The following SFXN5 variants were observed in gnomAD, a reference collection of about 807,000 sequenced individuals.
SFXN5 encodes sideroflexin 5.
SFXN5 carries 43 observed loss-of-function variants against 50.2 expected under a neutral mutation model. The ratio of observed to expected loss-of-function variants is 0.86; its 90% confidence interval spans 0.67 to 1.11. The LOEUF is 1.11. Among genes scored for constraint, SFXN5 ranks in the 50% least tolerant of loss-of-function variants. SFXN5 has a pLI of 0.00. For missense variants in SFXN5, 463 were observed against 454.1 expected, an observed-to-expected ratio of 1.02 and a Z score of -0.18; for synonymous variants, 203 against 185.8, an observed-to-expected ratio of 1.09 and a Z score of -0.75.
At chr2:73,035,484 T>C (rs1678850677) in intron 3 of SFXN5, among the ~76,000 whole-genome samples, 1 of 151,258 alleles carries the variant, frequency 6.6e-6, no homozygotes, top group Non-Finnish European at 1.5e-5. Context: ...GATTCATTGG[T>C]ATCGCAATCT....
intron 3 of SFXN5, among the ~76,000 whole-genome samples, chr2:73,027,236 T>C (rs1386217029): frequency 6.6e-6 from 1 of 152,140 alleles, no homozygotes; most frequent in Non-Finnish European, 1.5e-5. Context: ...CCTGACTCCA[T>C]GTAGGCCTAG....
intron 6 of SFXN5, among the ~76,000 whole-genome samples, chr2:73,015,081 T>C (rs577666210): frequency 6.6e-6 from 1 of 152,366 alleles, no homozygotes; most frequent in East Asian, 1.9e-4. Context: ...TTGCTATGGT[T>C]GGTTTAAATC....
chr2:73,048,351 G>A (rs1180925302), intron 2 of SFXN5, among the ~76,000 whole-genome samples: 2 of 152,150 alleles, frequency 1.3e-5, no homozygotes, highest in East Asian at 3.8e-4. Context: ...GAGTAGCTGG[G>A]ATTACAGGCA....
intron 13 of SFXN5, among the ~76,000 whole-genome samples, chr2:72,955,914 G>T (rs1405135181): frequency 6.6e-6 from 1 of 152,230 alleles, no homozygotes; most frequent in Non-Finnish European, 1.5e-5. Context: ...CACCTATAGC[G>T]GCCCCGGCAA....
intron 3 of SFXN5, among the ~76,000 whole-genome samples, chr2:73,032,435 A>G (rs17008608): frequency 0.15 from 23,074 of 152,248 alleles, 2,039 homozygotes; most frequent in East Asian, 0.36. Context: ...AAGAACATGG[A>G]GCAGGTGTGG....
chr2:73,014,156 G>A (rs1184613506), intron 6 of SFXN5, among the ~76,000 whole-genome samples: 1 of 152,042 alleles, frequency 6.6e-6, no homozygotes, highest in African/African-American at 2.4e-5. Flanking sequence ...TCTTGTTGAT[G>A]GAATTTCAGC....
intron 13 of SFXN5, among the ~76,000 whole-genome samples, chr2:72,946,726 C>T (rs930979032): frequency 8.5e-5 from 13 of 152,168 alleles, no homozygotes; most frequent in African/African-American, 2.4e-4. Context: ...AGCCTCTTTG[C>T]GTCCTCTCCC....
At chr2:73,001,782 CTTAT>C (rs1673948718) in intron 6 of SFXN5, among the ~76,000 whole-genome samples, 1 of 152,080 alleles carries the variant, frequency 6.6e-6, no homozygotes, top group South Asian at 2.1e-4. Context: ...ACAGCATAAT[CTTAT>C]TTATTTAAAG....
chr2:72,961,037 G>T lies in SFXN5; in HGVS notation c.945+94C>A. 1 of 892,598 alleles carries T rather than the reference G, an allele frequency of 1.1e-6. No homozygotes were observed. Among genetic ancestry groups the T allele is most frequent in the East Asian group, 3.0e-5 (1 of 32,816 alleles). 55.3% of individuals were successfully genotyped at this position (892,598 alleles called of 1,614,324 possible). A position where few individuals can be genotyped will look rare whatever the true frequency, so the allele number is the denominator to read the frequency against. On this transcript the variant is annotated intron_variant, in intron 13 of 13. Transcript: ENST00000272433. The surrounding 1 kb of genome is among the most constrained non-coding windows in gnomAD (Gnocchi z 4.4). ...CGGTTCCAGCCCCAGCGCCTAGCATGGCGCTAAGGAGTCGGCACGGTATGA... is the reference window on the plus strand; with the variant it reads ...CGGTTCCAGCCCCAGCGCCTAGCATTGCGCTAAGGAGTCGGCACGGTATGA...
chr2:73,008,409 G>A (rs1281030738), intron 6 of SFXN5, among the ~76,000 whole-genome samples: 1 of 152,212 alleles, frequency 6.6e-6, no homozygotes, highest in Non-Finnish European at 1.5e-5. Context: ...AGGGCTGAGA[G>A]AGGCACAAAT....
intron 9 of SFXN5, chr2:72,998,587 A>G: frequency 4.1e-6 from 1 of 241,128 alleles, no homozygotes; most frequent in Non-Finnish European, 8.0e-6. Flanking sequence ...GGCCTTGCAG[A>G]GTCATTCAGA....
At chr2:72,985,456 C>T (rs1037726023) in intron 10 of SFXN5, among the ~76,000 whole-genome samples, 1 of 151,964 alleles carries the variant, frequency 6.6e-6, no homozygotes, top group African/African-American at 2.4e-5. Context: ...TGGGAAAGGG[C>T]CACACCTAAT....
intron 13 of SFXN5, among the ~76,000 whole-genome samples, chr2:72,952,657 C>T (rs543672511): frequency 1.3e-5 from 2 of 152,220 alleles, no homozygotes; most frequent in Non-Finnish European, 1.5e-5. Context: ...GGACCAATCT[C>T]AGAATCATTC....
intron 12 of SFXN5, among the ~76,000 whole-genome samples, chr2:72,962,814 G>C (rs1673897100): frequency 6.6e-6 from 1 of 152,206 alleles, no homozygotes; most frequent in Non-Finnish European, 1.5e-5. Flanking sequence ...CACAGGCCCA[G>C]ACCGCAAGGT....
chr2:72,963,531 G>T lies in SFXN5; in HGVS notation c.828-2283C>A, dbSNP rs143060574. ...GCCTGAGAGCGAACACAGTAGGACA[G>T]GGGGAAGGGAGGGGGGAGGAAAATG... On this transcript the variant is annotated intron_variant, in intron 12 of 13. Transcript: ENST00000272433. 2.5e-3 allele frequency among the ~76,000 whole-genome samples: 373 copies of T among 152,192 alleles called. 2 individuals carry two copies. Among genetic ancestry groups the T allele is most frequent in the African/African-American group, 7.6e-3 (316 of 41,536 alleles).
At chr2:73,059,118 C>T (rs771254260) in intron 1 of SFXN5, 1 of 982,554 alleles carries the variant, frequency 1.0e-6, no homozygotes, top group Non-Finnish European at 1.2e-6. Flanking sequence ...CCTTCACCCA[C>T]AGCCCTGTAG....
chr2:72,964,695 G>A (rs1460203532), intron 12 of SFXN5, among the ~76,000 whole-genome samples: 3 of 152,180 alleles, frequency 2.0e-5, no homozygotes, highest in Non-Finnish European at 2.9e-5. Flanking sequence ...ATCTTCCTGG[G>A]GGAACCCGGG....
intron 10 of SFXN5, among the ~76,000 whole-genome samples, chr2:72,974,854 AG>A (rs1309151536): frequency 5.5e-5 from 4 of 72,146 alleles, no homozygotes; most frequent in East Asian, 6.2e-4. Context: ...AGAGAGAGAG[AG>A]AAAAAAAAAA....
At chr2:73,016,381 A>AT (rs1401352193) in intron 6 of SFXN5, among the ~76,000 whole-genome samples, 2 of 152,220 alleles carry the variant, frequency 1.3e-5, no homozygotes, top group Non-Finnish European at 2.9e-5. Flanking sequence ...GAAGATCTCT[A>AT]TAAATCGATA....
Sources: gnomAD v4.1 joint callset for allele counts (sites outside exome capture counted in the v4.1 genomes callset) on GRCh38, gnomAD v4.1.1 for gene constraint, Gnocchi (gnomAD v3.1) non-coding constraint, MANE v1.5 for transcripts, NCBI Gene and HGNC (gene_info 2026-07-23, HGNC 2026-07-21) for gene names.